SPIDR: variants seen among roughly 807,000 people sequenced by gnomAD.
SPIDR encodes the protein DNA repair-scaffolding protein.
A neutral mutation model predicts 104.6 loss-of-function variants in SPIDR; 93 were observed. The ratio of observed to expected loss-of-function variants is 0.89; its 90% CI spans 0.75 to 1.06. SPIDR has a LOEUF of 1.06. Among genes scored for constraint, SPIDR ranks in the 50% least tolerant of loss-of-function variants. The pLI, the probability that SPIDR is intolerant of heterozygous loss-of-function variation, is 0.00. For synonymous variants in SPIDR, 431 were observed against 416.9 expected, an observed-to-expected ratio of 1.03 and a Z score of -0.41; for missense variants, 1,154 against 1,111.2, an observed-to-expected ratio of 1.04 and a Z score of -0.55.
intron 5 of SPIDR, among the ~76,000 whole-genome samples, chr8:47,314,371 G>A (rs1250519769): frequency 6.6e-6 from 1 of 152,154 alleles, no homozygotes; most frequent in Non-Finnish European, 1.5e-5. Context: ...AAACAAATGA[G>A]ATGTGTGTCA....
intron 12 of SPIDR, 140 bp downstream of exon 12, chr8:47,700,630 T>A: frequency 1.3e-6 from 1 of 777,808 alleles, no homozygotes; most frequent in Non-Finnish European, 2.1e-6. Context: ...GTCAGTTCCT[T>A]TGTAGTGATG....
At chr8:47,357,977 G>C in intron 5 of SPIDR, 1 of 477,272 alleles carries the variant, frequency 2.1e-6, no homozygotes, top group Non-Finnish European at 2.7e-6. Flanking sequence ...CACTCTGGCA[G>C]TCTTTCCTCT....
At chr8:47,405,984 G>A (rs1254471599) in intron 6 of SPIDR, among the ~76,000 whole-genome samples, 5 of 152,192 alleles carry the variant, frequency 3.3e-5, no homozygotes, top group African/African-American at 1.2e-4. Context: ...GAGAGCGCCT[G>A]TGCATGTTTA....
intron 10 of SPIDR, among the ~76,000 whole-genome samples, chr8:47,622,027 T>C (rs2065237505): frequency 6.6e-6 from 1 of 152,102 alleles, no homozygotes; most frequent in Non-Finnish European, 1.5e-5. Context: ...TTGAGAATTA[T>C]CTTATGGGCA....
intron 8 of SPIDR, among the ~76,000 whole-genome samples, chr8:47,589,022 G>GTTTTTTTTTTTTTTT (rs1168001066): frequency 1.6e-4 from 14 of 89,050 alleles, no homozygotes; most frequent in South Asian, 3.6e-4. Flanking sequence ...TTTATAGTTT[G>GTTTTTTTTTTTTTTT]TTTTTTTTTT....
chr8:47,330,165 T>A (rs1392558128), intron 5 of SPIDR, among the ~76,000 whole-genome samples: 1 of 152,108 alleles, frequency 6.6e-6, no homozygotes, highest in Non-Finnish European at 1.5e-5. Flanking sequence ...TATCATGCCT[T>A]CATTTTTTTG....
chr8:47,727,319 A>G (rs761438789), intron 17 of SPIDR, 26 bp downstream of exon 17: 20 of 1,610,258 alleles, frequency 1.2e-5, no homozygotes, highest in East Asian at 2.2e-5. Flanking sequence ...CTGTCCTGAA[A>G]GCCCTAGAAC....
At chr8:47,521,149 C>T (rs2084011645) in intron 8 of SPIDR, among the ~76,000 whole-genome samples, 1 of 152,184 alleles carries the variant, frequency 6.6e-6, no homozygotes, top group African/African-American at 2.4e-5. Context: ...TCCATGTATG[C>T]CTCTGAACCC....
intron 7 of SPIDR, among the ~76,000 whole-genome samples, chr8:47,425,545 G>A (rs1416721399): frequency 6.6e-6 from 1 of 152,172 alleles, no homozygotes; most frequent in Non-Finnish European, 1.5e-5. Context: ...GAATATCAAT[G>A]TGAGGTGCCT....
chr8:47,331,987 CTCTT>C (rs2048795916), intron 5 of SPIDR, among the ~76,000 whole-genome samples: 8 of 27,508 alleles, frequency 2.9e-4, no homozygotes, highest in African/African-American at 1.2e-3. Context: ...TTTTTTTTTT[CTCTT>C]TTTTTTTTTT....
At chr8:47,492,367 G>A (rs1292199985) in intron 8 of SPIDR, among the ~76,000 whole-genome samples, 2 of 151,956 alleles carry the variant, frequency 1.3e-5, no homozygotes, top group East Asian at 3.9e-4. Flanking sequence ...CTACGGAGGG[G>A]TTGGTTTTGA....
chr8:47,459,411 T>C (rs533787123), intron 8 of SPIDR, among the ~76,000 whole-genome samples: 54 of 152,310 alleles, frequency 3.5e-4, no homozygotes, highest in African/African-American at 1.2e-3. Flanking sequence ...GGTTTTCTAG[T>C]TGATGTGCAT....
intron 5 of SPIDR, among the ~76,000 whole-genome samples, chr8:47,347,771 T>C (rs1447490419): frequency 2.0e-5 from 3 of 152,194 alleles, no homozygotes; most frequent in Admixed American, 2.0e-4. Context: ...TTGCAACCCC[T>C]GCTTTTTTTT....
chr8:47,322,431 G>A (rs1223489822), intron 5 of SPIDR, among the ~76,000 whole-genome samples: 1 of 152,142 alleles, frequency 6.6e-6, no homozygotes, highest in Admixed American at 6.6e-5. Flanking sequence ...TAAGAAGTCA[G>A]GAAACAACAG....
intron 8 of SPIDR, chr8:47,510,980 GGCCACTGGCT>G (rs1388060142): frequency 1.5e-6 from 1 of 663,388 alleles, no homozygotes. Flanking sequence ...CATGGGGCAT[GGCCACTGGCT>G]GTGAGAAACA....
At chr8:47,320,072 G>A (rs530965319) in intron 5 of SPIDR, among the ~76,000 whole-genome samples, 1 of 152,066 alleles carries the variant, frequency 6.6e-6, no homozygotes, top group Non-Finnish European at 1.5e-5. Flanking sequence ...TCAAAAGCTA[G>A]CAGAAGGCAA....
At chr8:47,312,476 G>A (rs1449987756) in intron 5 of SPIDR, among the ~76,000 whole-genome samples, 8 of 152,104 alleles carry the variant, frequency 5.3e-5, no homozygotes, top group African/African-American at 1.7e-4. Context: ...GCCAGTGATG[G>A]TGAGCATTTT....
chr8:47,518,129 T>A (rs1373310918), intron 8 of SPIDR, among the ~76,000 whole-genome samples: 1 of 152,230 alleles, frequency 6.6e-6, no homozygotes, highest in Non-Finnish European at 1.5e-5. Context: ...ATATTCTCCA[T>A]GTGAAAGAGT....
rs868620145 is a variant in SPIDR at position 47,527,166 on chromosome 8, A to C, written c.1098-68645A>C. On this transcript the variant is annotated intron_variant, in intron 8 of 19. Coordinates refer to ENST00000297423, the MANE Select transcript of SPIDR (RefSeq NM_001080394.4). ...CATTGTGCTTGTATCGGGGGAAGGG[A>C]AAGGTAGCCATTTAACAGTATACCG... 9.9e-5 allele frequency among the ~76,000 whole-genome samples: 15 copies of C among 152,270 alleles called. No homozygotes were observed. In the South Asian group the frequency reaches 2.5e-3, roughly 25 times the overall value.
Sources: allele counts gnomAD v4.1 joint callset (sites outside exome capture counted in the v4.1 genomes callset), GRCh38; gene constraint gnomAD v4.1.1; transcripts MANE v1.5; gene names NCBI Gene and HGNC (gene_info 2026-07-23, HGNC 2026-07-21).